The following SLC18A1 variants were observed in gnomAD, a reference collection of about 807,000 sequenced individuals.
SLC18A1 encodes the protein chromaffin granule amine transporter.
Under a neutral mutation model 53.7 loss-of-function variants are expected in SLC18A1, and 69 were observed. The observed-to-expected ratio is 1.28, with a 90% CI of 1.06 to 1.57. The LOEUF (loss-of-function observed/expected upper bound fraction) is 1.57. Ranked by LOEUF, SLC18A1 falls within the 40% of genes most tolerant of loss-of-function variation. The pLI is 0.00. For synonymous variants in SLC18A1, 320 were observed against 248.1 expected (o/e 1.29, Z -2.72); for missense variants, 932 against 668.1 (o/e 1.40, Z -4.35).
chr8:20,156,729 G>A (rs896491562), intron 10 of SLC18A1, among the ~76,000 whole-genome samples: 1 of 152,156 alleles, frequency 6.6e-6, no homozygotes, highest in East Asian at 1.9e-4. Flanking sequence ...TTAATCCGGG[G>A]CAACAAAAAG....
intron 11 of SLC18A1, among the ~76,000 whole-genome samples, chr8:20,150,075 C>T (rs901215445): frequency 4.6e-5 from 7 of 152,204 alleles, no homozygotes; most frequent in African/African-American, 1.7e-4. Context: ...TGCCTCCTAC[C>T]TGTCCTATTT....
chr8:20,159,634 C>CAAAAAAAAAAAAA (rs200123466), intron 10 of SLC18A1, among the ~76,000 whole-genome samples: 126 of 81,498 alleles, frequency 1.5e-3, no homozygotes, highest in East Asian at 3.1e-3. Context: ...TTGCAGCTGC[C>CAAAAAAAAAAAAA]AAAAAAAAAA....
intron 4 of SLC18A1, 145 bp from the exon 5 acceptor site, chr8:20,174,589 G>C (rs1047655809): frequency 5.4e-5 from 33 of 616,176 alleles, no homozygotes; most frequent in African/African-American, 4.6e-4. Context: ...CCTGTTTTTT[G>C]AGTTGTCTTT....
At chr8:20,148,857 C>T (rs768267950) in intron 12 of SLC18A1, among the ~76,000 whole-genome samples, 9 of 152,168 alleles carry the variant, frequency 5.9e-5, no homozygotes, top group African/African-American at 1.9e-4. Flanking sequence ...TATGGGCTCA[C>T]CATGTGCCAG....
rs534434321 is a variant in SLC18A1, at chr8:20,147,739, C to T, written c.1211-17G>A. On this transcript the variant is annotated splice_polypyrimidine_tract_variant and intron_variant, in intron 13 of 15. Coordinates refer to ENST00000276373, the MANE Select transcript of SLC18A1 (RefSeq NM_003053.4). ...CCACCATGCCTGTGGCCAGAGCAAA[C>T]AGGACACAGTCAGCCCCACCCACAG... 6.2e-7 allele frequency: 1 copy of T among 1,611,082 alleles called. No homozygotes were observed. The highest frequency in any genetic ancestry group is 8.5e-7 in the Non-Finnish European group (1 of 1,179,062).
chr8:20,180,149 T>C (rs73214052), intron 2 of SLC18A1, among the ~76,000 whole-genome samples: 42,190 of 151,310 alleles, frequency 0.28, 6,381 homozygotes, highest in Middle Eastern at 0.35. Context: ...TGTGTTTCCC[T>C]GGGAGCAATG....
intron 10 of SLC18A1, among the ~76,000 whole-genome samples, chr8:20,151,718 T>C (rs2071560719): frequency 6.6e-6 from 1 of 152,220 alleles, no homozygotes; most frequent in Non-Finnish European, 1.5e-5. Context: ...GCTCCAAATT[T>C]TGCATTCAAA....
chr8:20,163,535 C>T (rs182532189), intron 10 of SLC18A1, among the ~76,000 whole-genome samples: 1 of 152,234 alleles, frequency 6.6e-6, no homozygotes, highest in African/African-American at 2.4e-5. Flanking sequence ...GCAGACTACA[C>T]ATTACTTTCA....
At chr8:20,181,386 G>A (rs888590815) in intron 1 of SLC18A1, among the ~76,000 whole-genome samples, 3 of 152,080 alleles carry the variant, frequency 2.0e-5, no homozygotes, top group Non-Finnish European at 4.4e-5. Context: ...GATGGTTTAT[G>A]TCATATCTAA....
At chr8:20,169,703 A>G (rs926264720) in intron 8 of SLC18A1, among the ~76,000 whole-genome samples, 1 of 152,080 alleles carries the variant, frequency 6.6e-6, no homozygotes, top group African/African-American at 2.4e-5. Flanking sequence ...ACATGGTGAA[A>G]TCCTGTCTCT....
intron 10 of SLC18A1, among the ~76,000 whole-genome samples, chr8:20,153,899 C>T (rs1315245407): frequency 6.6e-6 from 1 of 152,164 alleles, no homozygotes; most frequent in Non-Finnish European, 1.5e-5. Context: ...CTTGAAATTT[C>T]ACGTTATAAC....
At chr8:20,182,601 C>T (rs2072457312) in intron 1 of SLC18A1, among the ~76,000 whole-genome samples, 1 of 152,180 alleles carries the variant, frequency 6.6e-6, no homozygotes, top group Non-Finnish European at 1.5e-5. Flanking sequence ...AAATGATTAT[C>T]ACTGAAATTC....
chr8:20,154,354 T>G (rs1172005691), intron 10 of SLC18A1, among the ~76,000 whole-genome samples: 1 of 151,400 alleles, frequency 6.6e-6, no homozygotes, highest in Non-Finnish European at 1.5e-5. Flanking sequence ...GTGACAGGAG[T>G]AGAGGTGAAA....
At chr8:20,150,311 T>C (rs934025562) in intron 11 of SLC18A1, among the ~76,000 whole-genome samples, 5 of 152,162 alleles carry the variant, frequency 3.3e-5, no homozygotes, top group African/African-American at 4.8e-5. Flanking sequence ...TCCTTAGGAT[T>C]CCACAGAACA....
intron 7 of SLC18A1, 32 bp from the exon 8 acceptor site, chr8:20,171,178 G>C (rs774515604): frequency 1.2e-6 from 2 of 1,612,488 alleles, no homozygotes; most frequent in Admixed American, 3.3e-5. Flanking sequence ...ACAGTTCAGC[G>C]TGTCTACTGA....
At chr8:20,146,964 T>C (rs753760563) in intron 15 of SLC18A1, among the ~76,000 whole-genome samples, 11 of 152,154 alleles carry the variant, frequency 7.2e-5, no homozygotes, top group Admixed American at 2.6e-4. Context: ...ACTAGCAAGC[T>C]AAGAACAGTA....
chr8:20,181,286 C>A (rs1180915855), intron 1 of SLC18A1, among the ~76,000 whole-genome samples, 199 bp from the exon 2 acceptor site: 1 of 152,116 alleles, frequency 6.6e-6, no homozygotes, highest in Non-Finnish European at 1.5e-5. Flanking sequence ...AATTTAATGG[C>A]TAGGTATAAA....
At chr8:20,154,611 A>G (rs1465871117) in intron 10 of SLC18A1, among the ~76,000 whole-genome samples, 1 of 152,218 alleles carries the variant, frequency 6.6e-6, no homozygotes, top group Non-Finnish European at 1.5e-5. Flanking sequence ...TCTGGGTCTC[A>G]GTAGGGCAAG....
chr8:20,152,815 A>G (rs1022546959), intron 10 of SLC18A1, among the ~76,000 whole-genome samples: 4 of 152,192 alleles, frequency 2.6e-5, no homozygotes, highest in Non-Finnish European at 4.4e-5. Context: ...GGAGTAGCCA[A>G]TGAAGTAGGT....
Sources: allele counts gnomAD v4.1 joint callset (sites outside exome capture counted in the v4.1 genomes callset), GRCh38; gene constraint gnomAD v4.1.1; transcripts MANE v1.5; gene names NCBI Gene and HGNC (gene_info 2026-07-23, HGNC 2026-07-21).